SCFD2: variants seen among roughly 807,000 people sequenced by gnomAD.
SCFD2 encodes sec1 family domain-containing protein 2.
In SCFD2, 54 loss-of-function variants were observed where a neutral mutation model predicts 58.9. That is an observed-to-expected ratio of 0.92 (90% CI 0.74 to 1.15). The LOEUF is 1.15. Ranked by LOEUF, SCFD2 falls within the 50% of genes most tolerant of loss-of-function variation. The probability of loss-of-function intolerance (pLI) is 0.00; values close to 1 mark genes in which losing one functional copy is unlikely to be tolerated. For synonymous variants in SCFD2, 321 were observed against 335.9 expected (o/e 0.96, Z 0.49); for missense variants, 805 against 836.6 (o/e 0.96, Z 0.47).
chr4:53,124,587 A>G (rs943803254), intron 5 of SCFD2, among the ~76,000 whole-genome samples: 1 of 152,236 alleles, frequency 6.6e-6, no homozygotes, highest in Non-Finnish European at 1.5e-5. Context: ...TAGAGAAGAA[A>G]GTCCATGATA....
At chr4:52,917,983 G>A (rs899411838) in intron 6 of SCFD2, among the ~76,000 whole-genome samples, 1 of 152,170 alleles carries the variant, frequency 6.6e-6, no homozygotes, top group African/African-American at 2.4e-5. Flanking sequence ...GGAAGGTGGG[G>A]CCAGTGGGGG....
chr4:52,955,315 G>T (rs1207239529), intron 5 of SCFD2, among the ~76,000 whole-genome samples: 1 of 152,148 alleles, frequency 6.6e-6, no homozygotes, highest in East Asian at 1.9e-4. Context: ...TACTAATTTT[G>T]CTGAGTCCCA....
intron 7 of SCFD2, among the ~76,000 whole-genome samples, chr4:52,903,864 A>C (rs1263450221): frequency 6.6e-6 from 1 of 152,216 alleles, no homozygotes; most frequent in African/African-American, 2.4e-5. Context: ...CAGTTAGAAA[A>C]ACGCTAGCAT....
intron 3 of SCFD2, among the ~76,000 whole-genome samples, chr4:53,302,549 C>T (rs376246435): frequency 6.6e-6 from 1 of 152,124 alleles, no homozygotes; most frequent in African/African-American, 2.4e-5. Flanking sequence ...AGATTCAATG[C>T]CATCCCCATC....
intron 4 of SCFD2, among the ~76,000 whole-genome samples, chr4:53,243,339 A>G (rs535758665): frequency 7.4e-4 from 112 of 152,336 alleles, no homozygotes; most frequent in African/African-American, 2.6e-3. Context: ...ATTCTTAAAG[A>G]AAAGAAATTC....
intron 5 of SCFD2, among the ~76,000 whole-genome samples, chr4:52,974,174 A>G (rs978582955): frequency 1.8e-4 from 28 of 152,320 alleles, no homozygotes; most frequent in Middle Eastern, 6.8e-3. Context: ...GGCCAGGGCA[A>G]TCAGGAAGGA....
At chr4:53,252,828 G>T (rs1180191802) in intron 4 of SCFD2, among the ~76,000 whole-genome samples, 1 of 152,056 alleles carries the variant, frequency 6.6e-6, no homozygotes. Context: ...ATAGGCATGG[G>T]CAAGGACTTC....
intron 2 of SCFD2, among the ~76,000 whole-genome samples, chr4:53,349,686 T>C (rs1350892399): frequency 2.0e-5 from 3 of 152,236 alleles, no homozygotes; most frequent in African/African-American, 7.2e-5. Context: ...GGAGTCAAGG[T>C]TAAATAAAGT....
chr4:53,185,657 G>C (rs1189684369), intron 4 of SCFD2, among the ~76,000 whole-genome samples: 2 of 151,932 alleles, frequency 1.3e-5, no homozygotes, highest in Non-Finnish European at 2.9e-5. Context: ...AAGTTACCAA[G>C]AGTAATAAAA....
intron 4 of SCFD2, among the ~76,000 whole-genome samples, chr4:53,193,424 G>A: frequency 6.6e-6 from 1 of 152,152 alleles, no homozygotes; most frequent in East Asian, 1.9e-4. Context: ...AATAATTTAA[G>A]AAGTACTTGA....
chr4:53,115,829 C>A (rs1159097227), intron 5 of SCFD2, among the ~76,000 whole-genome samples: 1 of 152,104 alleles, frequency 6.6e-6, no homozygotes, highest in East Asian at 1.9e-4. Context: ...TCTAACAATG[C>A]GATGCCTGCT....
intron 5 of SCFD2, among the ~76,000 whole-genome samples, chr4:52,985,604 C>T (rs1286947349): frequency 1.4e-5 from 2 of 146,106 alleles, no homozygotes; most frequent in Non-Finnish European, 3.0e-5. Context: ...GAAATCACAC[C>T]CCCAGACGTA....
At chr4:53,069,941 A>G (rs1723771480) in intron 5 of SCFD2, among the ~76,000 whole-genome samples, 1 of 152,024 alleles carries the variant, frequency 6.6e-6, no homozygotes, top group South Asian at 2.1e-4. Context: ...TAGCTTCATA[A>G]TTAACTATTT....
chr4:53,306,749 C>T (rs1027873490), intron 3 of SCFD2, among the ~76,000 whole-genome samples: 25 of 152,138 alleles, frequency 1.6e-4, no homozygotes, highest in African/African-American at 5.1e-4. Context: ...ATAAAAAGAG[C>T]TGTGTGTCCT....
At chr4:53,183,152 G>A (rs1011101119) in intron 4 of SCFD2, among the ~76,000 whole-genome samples, 1 of 152,170 alleles carries the variant, frequency 6.6e-6, no homozygotes, top group African/African-American at 2.4e-5. Flanking sequence ...CCATTACTGG[G>A]TATATACCGA....
intron 2 of SCFD2, among the ~76,000 whole-genome samples, chr4:53,323,520 T>G (rs1211740377): frequency 3.4e-5 from 5 of 147,346 alleles, no homozygotes; most frequent in Non-Finnish European, 7.4e-5. Context: ...CATGCCACCA[T>G]GCCCAGCTAA....
intron 2 of SCFD2, among the ~76,000 whole-genome samples, chr4:53,336,330 C>T (rs1733682163): frequency 6.6e-6 from 1 of 152,022 alleles, no homozygotes; most frequent in South Asian, 2.1e-4. Context: ...TTCTATTTAT[C>T]GAATGATGGC....
intron 7 of SCFD2, among the ~76,000 whole-genome samples, chr4:52,896,000 G>A (rs975329204): frequency 2.0e-5 from 3 of 152,136 alleles, no homozygotes; most frequent in African/African-American, 7.2e-5. Flanking sequence ...CCCACTTTTT[G>A]ATGGGGTTGT....
chr4:53,033,744 A>C (rs1184818251), intron 5 of SCFD2, among the ~76,000 whole-genome samples: 1 of 152,136 alleles, frequency 6.6e-6, no homozygotes, highest in Non-Finnish European at 1.5e-5. Flanking sequence ...TCCTGGACAC[A>C]ACACCCTCCC....
Sources: allele counts gnomAD v4.1 joint callset (sites outside exome capture counted in the v4.1 genomes callset), GRCh38; gene constraint gnomAD v4.1.1; transcripts MANE v1.5; gene names NCBI Gene and HGNC (gene_info 2026-07-23, HGNC 2026-07-21).